Variants in MALRD1 observed in about 807,000 individuals in gnomAD.
MALRD1 encodes the protein MAM and LDL-receptor class A domain-containing protein 1.
Under a neutral mutation model 242.1 loss-of-function variants are expected in MALRD1, and 247 were observed. The observed-to-expected ratio is 1.02, with a 90% confidence interval of 0.92 to 1.13. The LOEUF is 1.13. Ranked by LOEUF, MALRD1 falls within the 50% of genes most tolerant of loss-of-function variation. The pLI, the probability that MALRD1 is intolerant of heterozygous loss-of-function variation, is 0.00. For synonymous variants in MALRD1, 995 were observed against 866.6 expected (o/e 1.15, Z -2.60); for missense variants, 2,989 against 2,533.1 (o/e 1.18, Z -3.86).
In MALRD1 at chr10:19,214,599, T is replaced by G. The variant is rs73593850; in HGVS notation, c.2991+4919T>G. Among the ~76,000 whole-genome samples the G allele has an allele frequency of 6.1e-3, 923 of 151,752 alleles. 11 individuals carry two copies. The highest frequency in any genetic ancestry group is 0.021 in the African/African-American group (882 of 41,346). ...TTGTATGGAGAAACTTCAGAAAGTT[T>G]GTGGAAAATGAAGTTAAAGGGTAAA... On this transcript the variant is annotated intron_variant, in intron 18 of 39. Transcript: ENST00000454679.
At chr10:19,265,971 T>C (rs538790805) in intron 19 of MALRD1, among the ~76,000 whole-genome samples, 1 of 151,918 alleles carries the variant, frequency 6.6e-6, no homozygotes, top group Admixed American at 6.6e-5. Flanking sequence ...TAATGACTTT[T>C]TGTCTCTTTT....
At chr10:19,491,845 A>C (rs537111005) in intron 30 of MALRD1, among the ~76,000 whole-genome samples, 200 bp downstream of exon 30, 7 of 152,242 alleles carry the variant, frequency 4.6e-5, no homozygotes, top group African/African-American at 1.7e-4. Context: ...CATATTCTTT[A>C]CCCCATACTG....
intron 4 of MALRD1, among the ~76,000 whole-genome samples, chr10:19,102,347 C>G (rs929756704): frequency 2.6e-5 from 4 of 151,728 alleles, no homozygotes; most frequent in Non-Finnish European, 5.9e-5. Flanking sequence ...AGTAGTTACA[C>G]TTATTTTTGT....
chr10:19,490,887 C>T (rs541233116), intron 29 of MALRD1, among the ~76,000 whole-genome samples: 32 of 152,142 alleles, frequency 2.1e-4, no homozygotes, highest in African/African-American at 7.7e-4. Context: ...CTGTACTTGT[C>T]AATGGACACT....
intron 36 of MALRD1, among the ~76,000 whole-genome samples, chr10:19,638,235 A>G (rs144367639): frequency 7.9e-5 from 12 of 152,168 alleles, no homozygotes; most frequent in African/African-American, 2.9e-4. Flanking sequence ...ATAAGGTCAC[A>G]TGCCAAAGGC....
intron 36 of MALRD1, among the ~76,000 whole-genome samples, chr10:19,631,325 C>G (rs1839891623): frequency 6.6e-6 from 1 of 152,106 alleles, no homozygotes; most frequent in South Asian, 2.1e-4. Context: ...GACATAATCT[C>G]TTTGTTTTTT....
chr10:19,595,384 C>G lies in MALRD1; in HGVS notation c.5871C>G (p.Asp1957Glu). 6.4e-7 allele frequency: 1 copy of G among 1,550,528 alleles called. No individual in the cohort carries two copies. The change falls in exon 34 of 40, where the codon GAC (aspartate) becomes GAG (glutamate). Residue 1957 changes from aspartate to glutamate, a missense_variant. Asp to Glu is a conservative substitution (Grantham distance 45). Transcript: ENST00000454679. ...ACATGGAGTTCCCGTGCTCTACAGA[C>G]GAGTGTATACCTTCCCTCCTGCTAT... ...CSNMEFPCST[D>E]ECIPSLLLCD...
At chr10:19,584,157 G>GAAAGGATCAACA (rs1225034425) in intron 33 of MALRD1, among the ~76,000 whole-genome samples, 1 of 150,632 alleles carries the variant, frequency 6.6e-6, no homozygotes, top group Non-Finnish European at 1.5e-5. Flanking sequence ...CAATTTTGTT[G>GAAAGGATCAACA]ATCCTTTCAA....
chr10:19,213,611 A>G (rs746204899), intron 18 of MALRD1, among the ~76,000 whole-genome samples: 14 of 152,222 alleles, frequency 9.2e-5, no homozygotes, highest in Non-Finnish European at 1.9e-4. Flanking sequence ...TTCTTAACTG[A>G]TAACTCTGGC....
intron 14 of MALRD1, among the ~76,000 whole-genome samples, chr10:19,187,970 GT>G (rs1157640685): frequency 2.6e-5 from 4 of 152,122 alleles, no homozygotes; most frequent in African/African-American, 9.7e-5. Context: ...GAAATAAAAA[GT>G]CTTGAGGCAG....
At chr10:19,253,462 A>C (rs1287855807) in intron 18 of MALRD1, among the ~76,000 whole-genome samples, 1 of 151,976 alleles carries the variant, frequency 6.6e-6, no homozygotes, top group African/African-American at 2.4e-5. Context: ...ATGAATTTCA[A>C]CAAATGTACA....
intron 36 of MALRD1, among the ~76,000 whole-genome samples, chr10:19,660,376 G>C (rs1312415035): frequency 6.6e-6 from 1 of 152,090 alleles, no homozygotes; most frequent in African/African-American, 2.4e-5. Context: ...ATTCAAACCT[G>C]TAGACAAAGC....
chr10:19,064,690 T>C (rs1041897228), intron 1 of MALRD1, among the ~76,000 whole-genome samples: 36 of 148,706 alleles, frequency 2.4e-4, no homozygotes, highest in African/African-American at 8.9e-4. Context: ...AGAATCACTT[T>C]AACCAGGAGG....
chr10:19,272,601 G>A (rs1840302907), intron 19 of MALRD1, among the ~76,000 whole-genome samples: 1 of 152,168 alleles, frequency 6.6e-6, no homozygotes, highest in Admixed American at 6.5e-5. Context: ...GTGCCATGGT[G>A]GTTTGCTGCA....
At chr10:19,393,716 A>G (rs1846448309) in intron 28 of MALRD1, among the ~76,000 whole-genome samples, 2 of 150,848 alleles carry the variant, frequency 1.3e-5, no homozygotes, top group Admixed American at 1.3e-4. Flanking sequence ...TTGGCCTCCC[A>G]AAGTGCTGGA....
At chr10:19,049,313 A>G (rs911574688) in intron 1 of MALRD1, among the ~76,000 whole-genome samples, 176 bp downstream of exon 1, 4 of 152,136 alleles carry the variant, frequency 2.6e-5, no homozygotes, top group Non-Finnish European at 5.9e-5. Context: ...GAGTCCATAT[A>G]AAAAAATTAT....
intron 21 of MALRD1, among the ~76,000 whole-genome samples, chr10:19,300,616 C>T (rs949715367): frequency 6.6e-6 from 1 of 151,864 alleles, no homozygotes; most frequent in Non-Finnish European, 1.5e-5. Context: ...GGAAAGGACT[C>T]CCCTAGTCAA....
intron 25 of MALRD1, among the ~76,000 whole-genome samples, chr10:19,350,825 A>T (rs766914970): frequency 1.3e-5 from 2 of 152,154 alleles, no homozygotes; most frequent in Non-Finnish European, 2.9e-5. Context: ...GTCCTTGCAG[A>T]AGTGTGCCAC....
chr10:19,211,456 G>A (rs895115340), intron 18 of MALRD1, among the ~76,000 whole-genome samples: 2 of 152,074 alleles, frequency 1.3e-5, no homozygotes, highest in Admixed American at 6.6e-5. Flanking sequence ...AGACTGGGAG[G>A]CCGAGGCGGG....
Sources: allele counts gnomAD v4.1 joint callset (sites outside exome capture counted in the v4.1 genomes callset), GRCh38; gene constraint gnomAD v4.1.1; transcripts MANE v1.5; gene names NCBI Gene and HGNC (gene_info 2026-07-23, HGNC 2026-07-21).